CNBD1: variants seen among roughly 807,000 people sequenced by gnomAD.
The protein encoded by CNBD1 is cyclic nucleotide-binding domain-containing protein 1.
In CNBD1, 71 loss-of-function variants were observed where a neutral mutation model predicts 54.4. That is an observed-to-expected ratio of 1.30 (90% CI 1.08 to 1.59). The LOEUF (loss-of-function observed/expected upper bound fraction) is 1.59. Among genes scored for constraint, CNBD1 ranks in the 40% most tolerant of loss-of-function variants. The probability of loss-of-function intolerance (pLI) is 0.00; values close to 1 mark genes in which losing one functional copy is unlikely to be tolerated. For missense variants in CNBD1, 659 were observed against 518.0 expected (o/e 1.27, Z -2.64); for synonymous variants, 182 against 170.7 (o/e 1.07, Z -0.51).
intron 8 of CNBD1, among the ~76,000 whole-genome samples, chr8:87,323,575 G>A (rs1309147510): frequency 8.1e-6 from 1 of 123,010 alleles, no homozygotes; most frequent in South Asian, 2.4e-4. Flanking sequence ...TTGTGAATGG[G>A]AGTTCACTCA....
intron 4 of CNBD1, among the ~76,000 whole-genome samples, chr8:86,996,672 A>G (rs1808877677): frequency 6.6e-6 from 1 of 152,222 alleles, no homozygotes; most frequent in African/African-American, 2.4e-5. Context: ...GAGGATATTA[A>G]GCAGAATAGC....
chr8:87,165,226 T>C (rs1243433508), intron 4 of CNBD1, among the ~76,000 whole-genome samples: 3 of 151,990 alleles, frequency 2.0e-5, no homozygotes, highest in African/African-American at 7.2e-5. Context: ...GAAAAACATG[T>C]ATTCTGCTGC....
intron 5 of CNBD1, among the ~76,000 whole-genome samples, chr8:87,230,397 G>T (rs2337005): frequency 6.6e-6 from 1 of 151,856 alleles, no homozygotes; most frequent in African/African-American, 2.4e-5. Context: ...TACATTTGTA[G>T]GTATATATTT....
chr8:86,980,392 A>G (rs80089345), intron 4 of CNBD1, among the ~76,000 whole-genome samples: 2,920 of 152,294 alleles, frequency 0.019, 93 homozygotes, highest in African/African-American at 0.06. Flanking sequence ...TACTGTACAC[A>G]TTTATCCACT....
At chr8:87,361,709 T>TATATA (rs1554582984) in intron 10 of CNBD1, among the ~76,000 whole-genome samples, 1 of 150,378 alleles carries the variant, frequency 6.6e-6, no homozygotes, top group Non-Finnish European at 1.5e-5. Context: ...TATATATATA[T>TATATA]TCTTGTTCAC....
chr8:87,143,914 C>A (rs576750810), intron 4 of CNBD1, among the ~76,000 whole-genome samples: 70 of 152,258 alleles, frequency 4.6e-4, no homozygotes, highest in South Asian at 3.7e-3. Context: ...TCTGATAAAA[C>A]AACTGTTAAA....
rs184682136 is a variant in CNBD1 at position 86,977,702 on chromosome 8, A to G, written c.431+37948A>G. Among the ~76,000 whole-genome samples the G allele has an allele frequency of 2.4e-3, 362 of 152,244 alleles. 2 individuals carry two copies. Among genetic ancestry groups the G allele is most frequent in the African/African-American group, 8.5e-3 (353 of 41,560 alleles). ...GACTGAATCATGAATAAATCAGAAA[A>G]CTGAACAGACCAATAATGAGTAAGT... is the stretch of plus-strand genomic sequence containing the variant. On this transcript the variant is annotated intron_variant, in intron 4 of 10. Transcript: ENST00000518476.
intron 4 of CNBD1, among the ~76,000 whole-genome samples, chr8:87,164,731 C>G (rs1003756178): frequency 2.4e-4 from 37 of 151,484 alleles, no homozygotes; most frequent in African/African-American, 8.2e-4. Context: ...TAAAAAATCT[C>G]CTACTTTCAT....
intron 5 of CNBD1, among the ~76,000 whole-genome samples, chr8:87,229,277 C>CT (rs1194434642): frequency 6.6e-6 from 1 of 152,012 alleles, no homozygotes; most frequent in Non-Finnish European, 1.5e-5. Flanking sequence ...CTCCTCCCCC[C>CT]GATTTTTCTT....
Position 87,137,315 on chromosome 8 carries a change from G to A in CNBD1, c.432-68678G>A, listed in dbSNP as rs1348263617. 8.0e-5 allele frequency among the ~76,000 whole-genome samples: 12 copies of A among 150,872 alleles called. No individual in the cohort carries two copies. The East Asian group carries it at 2.1e-3, about 27-fold the overall frequency. On this transcript the variant is annotated intron_variant, in intron 4 of 10. Coordinates refer to ENST00000518476, the MANE Select transcript of CNBD1 (RefSeq NM_173538.3). ...GGGTTCACACTATTCTCCTGCCTCA[G>A]CCTCCCGAGTAGCTGGGACTACAGG...
intron 6 of CNBD1, among the ~76,000 whole-genome samples, chr8:87,242,445 G>T (rs2130831233): frequency 6.6e-6 from 1 of 152,234 alleles, no homozygotes; most frequent in Non-Finnish European, 1.5e-5. Flanking sequence ...TTATATTAAT[G>T]CAGATCCTTT....
intron 4 of CNBD1, among the ~76,000 whole-genome samples, chr8:87,109,085 AT>A (rs1343700136): frequency 2.6e-5 from 4 of 152,208 alleles, no homozygotes; most frequent in Admixed American, 2.6e-4. Context: ...TCAGAACTAG[AT>A]TTAATTGCAG....
At chr8:87,299,260 T>C (rs1808939468) in intron 8 of CNBD1, among the ~76,000 whole-genome samples, 1 of 152,130 alleles carries the variant, frequency 6.6e-6, no homozygotes, top group Non-Finnish European at 1.5e-5. Flanking sequence ...CCTTCCTTCC[T>C]CTCCTTCCAC....
chr8:86,867,212 C>T (rs995532149), intron 1 of CNBD1, among the ~76,000 whole-genome samples: 9 of 149,484 alleles, frequency 6.0e-5, no homozygotes, highest in African/African-American at 2.2e-4. Context: ...CTTCTCATGG[C>T]CATCGAATTT....
intron 4 of CNBD1, among the ~76,000 whole-genome samples, chr8:86,969,791 TATACACACAC>T (rs146280128): frequency 0.07 from 3,789 of 53,748 alleles, 77 homozygotes; most frequent in South Asian, 0.22. Flanking sequence ...TATATATATA[TATACACACAC>T]ACACACACAC....
rs561995868 is a variant in CNBD1 at position 87,267,651 on chromosome 8, T to A, written c.772-17027T>A. ...AAATGTTCATCAACAAAAGAATGAATAAGTAATTTGAGTATAGCATACAAC... is the reference window on the plus strand; with the variant it reads ...AAATGTTCATCAACAAAAGAATGAAAAAGTAATTTGAGTATAGCATACAAC... On this transcript the variant is annotated intron_variant, in intron 6 of 10. Coordinates refer to ENST00000518476, the MANE Select transcript of CNBD1 (RefSeq NM_173538.3). Among the ~76,000 whole-genome samples the A allele has an allele frequency of 4.0e-4, 61 of 152,258 alleles. 1 individual carries two copies. Among genetic ancestry groups the A allele is most frequent in the African/African-American group, 1.3e-3 (54 of 41,566 alleles).
intron 2 of CNBD1, among the ~76,000 whole-genome samples, chr8:87,424,446 A>C (rs1330072996): frequency 6.6e-6 from 1 of 152,158 alleles, no homozygotes; most frequent in Admixed American, 6.5e-5. Flanking sequence ...CACTGCTTTG[A>C]ATGCGTCCCA....
chr8:87,411,672 C>A (rs1285398294), intron 2 of CNBD1, among the ~76,000 whole-genome samples: 2 of 144,352 alleles, frequency 1.4e-5, no homozygotes, highest in East Asian at 4.1e-4. Context: ...TTTTTTTTTA[C>A]AACCATTACT....
At chr8:87,065,394 G>A (rs547134411) in intron 4 of CNBD1, among the ~76,000 whole-genome samples, 1 of 152,018 alleles carries the variant, frequency 6.6e-6, no homozygotes, top group East Asian at 1.9e-4. Context: ...TCTCCAGAGA[G>A]GATTTACATT....
Sources: allele counts gnomAD v4.1 joint callset (sites outside exome capture counted in the v4.1 genomes callset), GRCh38; gene constraint gnomAD v4.1.1; transcripts MANE v1.5; gene names NCBI Gene and HGNC (gene_info 2026-07-23, HGNC 2026-07-21).